Variants in WARS1 observed in about 807,000 individuals in gnomAD.
The protein encoded by WARS1 is tryptophan--tRNA ligase, cytoplasmic.
A neutral mutation model predicts 47.8 loss-of-function variants in WARS1; 17 were observed. The observed-to-expected ratio is 0.36, with a 90% CI of 0.24 to 0.53. WARS1 has a LOEUF of 0.53. WARS1 is among the 20% of genes least tolerant of loss of function. The pLI, the probability that WARS1 is intolerant of heterozygous loss-of-function variation, is 0.91. For missense variants in WARS1, 434 were observed against 608.0 expected (o/e 0.71, Z 3.01); for synonymous variants, 208 against 228.1 (o/e 0.91, Z 0.79).
chr14:100,371,447 CAAAAAAAAAAAAAA>C (rs60977618), intron 1 of WARS1, among the ~76,000 whole-genome samples: 1 of 89,102 alleles, frequency 1.1e-5, no homozygotes, highest in South Asian at 7.4e-4. Flanking sequence ...GGTTCTGTCT[CAAAAAAAAAAAAAA>C]AAAAAAGTAG....
Position 100,361,542 on chromosome 14 carries a change from G to A in WARS1, c.313+166C>T, listed in dbSNP as rs185713490. ...TTATTTTATTTTAAAATAATCCTTT[G>A]GGAATATAATGCACAACCAAAAGAT... On this transcript the variant is annotated intron_variant, in intron 3 of 10. Transcript: ENST00000392882. Among the ~76,000 whole-genome samples the A allele has an allele frequency of 3.9e-5, 6 of 152,180 alleles. No homozygotes were observed. The East Asian group carries it at 1.2e-3, about 29-fold the overall frequency.
At chr14:100,355,689 T>A (rs1328894355) in intron 4 of WARS1, among the ~76,000 whole-genome samples, 1 of 152,142 alleles carries the variant, frequency 6.6e-6, no homozygotes, top group Non-Finnish European at 1.5e-5. Flanking sequence ...AGAACAGTAT[T>A]CTGAAAGTGA....
intron 2 of WARS1, among the ~76,000 whole-genome samples, chr14:100,362,448 T>G (rs1895717312): frequency 6.6e-6 from 1 of 151,738 alleles, no homozygotes; most frequent in South Asian, 2.1e-4. Context: ...GGACAAAAAA[T>G]GTAGGCTCTC....
intron 6 of WARS1, among the ~76,000 whole-genome samples, chr14:100,351,499 CAA>C (rs71464656): frequency 0.41 from 47,810 of 115,394 alleles, 9,106 homozygotes; most frequent in South Asian, 0.61. Flanking sequence ...GACTCTGTCT[CAA>C]AAAAAAAAAA....
At position 100,360,556 on chromosome 14, in the gene WARS1, G is replaced by C; in HGVS notation, c.420C>G (p.His140Gln). 6.2e-7 allele frequency: 1 copy of C among 1,612,342 alleles called. No homozygotes were observed. Among genetic ancestry groups the C allele is most frequent in the Non-Finnish European group, 8.5e-7 (1 of 1,178,630 alleles). Residue 140 changes from histidine (H) to glutamine (Q), a missense_variant and splice_region_variant, in exon 4 of 11, where the codon CAC (histidine) becomes CAG (glutamine). His to Gln is a conservative substitution (Grantham distance 24). This residue lies in a region of WARS1 where 347 missense variants were observed against 523.8 expected (regional missense o/e 0.66). Transcript: ENST00000392882. ...HFLRRGIFFS[H>Q]RDMNQVLDAY... ...GCCTGTGGTGAAGAGCCCCTGACCT[G>C]TGTGAGAAGAAGATGCCTCTGCGCA...
intron 10 of WARS1, among the ~76,000 whole-genome samples, chr14:100,336,064 G>A (rs1364982390): frequency 6.6e-6 from 1 of 151,598 alleles, no homozygotes; most frequent in Non-Finnish European, 1.5e-5. Flanking sequence ...TCACGAGGTC[G>A]GGAGGTCGAG....
At chr14:100,375,800 C>T (rs1896624604), upstream of WARS1, 2 of 152,224 alleles carry the variant, frequency 1.3e-5, no homozygotes, top group African/African-American at 4.8e-5. Context: ...GGGTCACAGA[C>T]GCCTGGGTTT....
intron 6 of WARS1, among the ~76,000 whole-genome samples, chr14:100,351,992 C>CG (rs1265809195): frequency 1.7e-5 from 1 of 59,726 alleles, no homozygotes; most frequent in African/African-American, 4.5e-5. Context: ...GACTCCGTCT[C>CG]AAAAAAAAAA....
chr14:100,344,954 G>T (rs1894461968), intron 7 of WARS1, among the ~76,000 whole-genome samples: 1 of 151,662 alleles, frequency 6.6e-6, no homozygotes, highest in South Asian at 2.1e-4. Flanking sequence ...GGGAGGTGGG[G>T]GGTCAGCCCC....
At position 100,337,098 on chromosome 14, in the gene WARS1, G is replaced by A. The variant is rs373660575; in HGVS notation, c.1218C>T (p.Phe406=). 5.4e-5 allele frequency: 87 copies of A among 1,614,150 alleles called. 1 individual carries two copies. The Middle Eastern group carries it at 9.9e-4, about 18-fold the overall frequency. Reference sequence around the variant, plus strand: ...GCTCGAGCTTGTCGTCGTCCTCGAGGAAGAAGGTCAGGTACATGAAAGACA... The same window carrying A: ...GCTCGAGCTTGTCGTCGTCCTCGAGAAAGAAGGTCAGGTACATGAAAGACA... ...VDVSFMYLTF[F]LEDDDKLEQI... Residue 406 remains phenylalanine (F), a synonymous_variant, in exon 10 of 11, where the codon TTC becomes TTT. Transcript: ENST00000392882.
At chr14:100,371,377 G>C (rs1460329190) in intron 1 of WARS1, among the ~76,000 whole-genome samples, 1 of 149,522 alleles carries the variant, frequency 6.7e-6, no homozygotes, top group African/African-American at 2.4e-5. Flanking sequence ...TTGAAACCAG[G>C]AGGTGGAGGT....
chr14:100,344,508 G>A (rs1406152159), intron 7 of WARS1, among the ~76,000 whole-genome samples: 21 of 152,240 alleles, frequency 1.4e-4, no homozygotes, highest in Admixed American at 1.2e-3. Context: ...CCGCCACCCC[G>A]TCTGGGAAGT....
At chr14:100,361,325 C>T (rs555132572) in intron 3 of WARS1, among the ~76,000 whole-genome samples, 47 of 152,332 alleles carry the variant, frequency 3.1e-4, no homozygotes, top group Non-Finnish European at 4.3e-4. Flanking sequence ...AGCTGACTTC[C>T]AGCCTTCTAG....
intron 1 of WARS1, among the ~76,000 whole-genome samples, chr14:100,371,319 G>A (rs559932338): frequency 2.9e-4 from 44 of 151,132 alleles, no homozygotes; most frequent in African/African-American, 7.0e-4. Flanking sequence ...GCATGGTGGC[G>A]CACACCTGTA....
chr14:100,354,800 A>C (rs1895208014), intron 4 of WARS1, among the ~76,000 whole-genome samples: 1 of 152,184 alleles, frequency 6.6e-6, no homozygotes, highest in Admixed American at 6.5e-5. Context: ...ATGTGTTTAA[A>C]AGATGGATCC....
At position 100,342,962 on chromosome 14, in the gene WARS1, G is replaced by A. The variant is rs143834032; in HGVS notation, c.939+313C>T. ...CGCCCAGGCTAGAGTGCAGTGATGC[G>A]CTCTCGCTGCAACCTCTGCCTCTGG... On this transcript the variant is annotated intron_variant, in intron 8 of 10. Coordinates refer to ENST00000392882, the MANE Select transcript of WARS1 (RefSeq NM_004184.4). Among the ~76,000 whole-genome samples the A allele has an allele frequency of 2.6e-3, 397 of 152,094 alleles. 1 individual carries two copies. Among genetic ancestry groups the A allele is most frequent in the Middle Eastern group, 6.8e-3 (2 of 294 alleles).
chr14:100,368,821 T>G lies in WARS1; in HGVS notation c.99+266A>C, dbSNP rs890662806. On this transcript the variant is annotated intron_variant, in intron 2 of 10. Coordinates refer to ENST00000392882, the MANE Select transcript of WARS1 (RefSeq NM_004184.4). ...TACTAAAAATACAAAATTAGCTGGG[T>G]GTGGTGGTGCATGCCTGTAATCCCA... Among the ~76,000 whole-genome samples, 16 of 151,974 alleles carry G rather than the reference T, an allele frequency of 1.1e-4. No homozygotes were observed. In the East Asian group the frequency reaches 2.9e-3, roughly 28 times the overall value.
chr14:100,337,055 T>C lies in WARS1; in HGVS notation c.1254+7A>G, dbSNP rs1418516053. ...GCGGCTGTGGGCCCTTGGGGTTCCC[T>C]GCTCACCTTCCTGATCTGCTCGAGC... is the stretch of plus-strand genomic sequence containing the variant. On this transcript the variant is annotated splice_region_variant and intron_variant, in intron 10 of 10. Transcript: ENST00000392882. 1.2e-6 allele frequency: 2 copies of C among 1,611,030 alleles called. No homozygotes were observed. The highest frequency in any genetic ancestry group is 1.7e-6 in the Non-Finnish European group (2 of 1,177,282).
At chr14:100,370,085 C>T (rs142234727) in intron 1 of WARS1, among the ~76,000 whole-genome samples, 1 of 152,160 alleles carries the variant, frequency 6.6e-6, no homozygotes, top group African/African-American at 2.4e-5. Context: ...ACAAAGTGAG[C>T]TCTGGGGTGG....
Sources: gnomAD v4.1 joint callset for allele counts (sites outside exome capture counted in the v4.1 genomes callset) on GRCh38, gnomAD v4.1.1 for gene constraint, gnomAD v4.1.1 regional missense constraint, MANE v1.5 for transcripts, NCBI Gene and HGNC (gene_info 2026-07-23, HGNC 2026-07-21) for gene names.